Variants in TTC39B observed in about 807,000 individuals in gnomAD.
TTC39B encodes the protein tetratricopeptide repeat protein 39B.
Under a neutral mutation model 96.6 loss-of-function variants are expected in TTC39B, and 92 were observed. The ratio of observed to expected loss-of-function variants is 0.95; its 90% confidence interval spans 0.80 to 1.13. The LOEUF (loss-of-function observed/expected upper bound fraction) is 1.13. Ranked by LOEUF, TTC39B falls within the 50% of genes most tolerant of loss-of-function variation. TTC39B has a pLI of 0.00. For missense variants in TTC39B, 955 were observed against 809.3 expected, an observed-to-expected ratio of 1.18 and a Z score of -2.18; for synonymous variants, 367 against 299.4, an observed-to-expected ratio of 1.23 and a Z score of -2.33.
At chr9:15,218,575 A>T (rs985098572) in intron 3 of TTC39B, among the ~76,000 whole-genome samples, 1 of 144,098 alleles carries the variant, frequency 6.9e-6, no homozygotes, top group Non-Finnish European at 1.5e-5. Flanking sequence ...ACGACTCCTC[A>T]TGTTTCTAAT....
chr9:15,271,188 T>C (rs1029907087), intron 1 of TTC39B, among the ~76,000 whole-genome samples: 25 of 152,208 alleles, frequency 1.6e-4, no homozygotes, highest in Non-Finnish European at 1.5e-5. Context: ...CAATGTAATA[T>C]GGTAGCATTG....
intron 18 of TTC39B, among the ~76,000 whole-genome samples, chr9:15,176,928 C>T (rs1817971284): frequency 6.6e-6 from 1 of 152,192 alleles, no homozygotes; most frequent in African/African-American, 2.4e-5. Context: ...AGGACATCAT[C>T]ATCAATGCTA....
At chr9:15,250,010 A>C in intron 2 of TTC39B, 1 of 1,288,496 alleles carries the variant, frequency 7.8e-7, no homozygotes, top group Non-Finnish European at 1.0e-6. Flanking sequence ...TTTTAAGCCA[A>C]CTAAAAGAAG....
At chr9:15,200,924 G>C (rs1427306342) in intron 7 of TTC39B, among the ~76,000 whole-genome samples, 1 of 152,122 alleles carries the variant, frequency 6.6e-6, no homozygotes, top group African/African-American at 2.4e-5. Flanking sequence ...ACTTGAACCT[G>C]GGAGGTGGAG....
Position 15,208,233 on chromosome 9 carries a change from C to T in TTC39B, c.691+1855G>A, listed in dbSNP as rs1819989160. On this transcript the variant is annotated intron_variant, in intron 6 of 19. Coordinates refer to ENST00000512701, the Ensembl canonical transcript of TTC39B. ...AGAGACGGGGTTTCACCATGTTGGC[C>T]AGGCTCGTCTGTAACTCCTGACCTT... Among the ~76,000 whole-genome samples, 3 of 151,642 alleles carry T rather than the reference C, an allele frequency of 2.0e-5. No homozygotes were observed. In the South Asian group the frequency reaches 6.3e-4, roughly 32 times the overall value.
At chr9:15,178,486 G>A (rs1449785619) in intron 17 of TTC39B, among the ~76,000 whole-genome samples, 1 of 152,174 alleles carries the variant, frequency 6.6e-6, no homozygotes, top group Non-Finnish European at 1.5e-5. Flanking sequence ...GAGGCAGGAA[G>A]ATCATTTGAG....
intron 6 of TTC39B, among the ~76,000 whole-genome samples, chr9:15,206,124 T>C (rs1232587786): frequency 6.6e-6 from 1 of 152,196 alleles, no homozygotes. Context: ...CATGAGAGTT[T>C]GAACTTTGTA....
intron 17 of TTC39B, among the ~76,000 whole-genome samples, chr9:15,178,027 G>T (rs1197614760): frequency 2.0e-5 from 3 of 151,566 alleles, no homozygotes; most frequent in Non-Finnish European, 4.4e-5. Context: ...CCACCACCAC[G>T]CCCGGCTAAT....
intron 1 of TTC39B, among the ~76,000 whole-genome samples, chr9:15,268,488 A>C (rs1823219660): frequency 6.6e-6 from 1 of 152,114 alleles, no homozygotes; most frequent in African/African-American, 2.4e-5. Flanking sequence ...AAACGCACAC[A>C]GTCATATGCA....
intron 2 of TTC39B, among the ~76,000 whole-genome samples, chr9:15,235,838 C>G (rs1444886784): frequency 2.0e-5 from 3 of 152,134 alleles, no homozygotes; most frequent in African/African-American, 7.2e-5. Context: ...AATGAAAGGA[C>G]AATACTCACC....
intron 6 of TTC39B, among the ~76,000 whole-genome samples, chr9:15,207,983 C>CAAAAAAAAA (rs531829809): frequency 1.2e-5 from 1 of 84,582 alleles, no homozygotes; most frequent in African/African-American, 4.7e-5. Flanking sequence ...GACTTGGTCT[C>CAAAAAAAAA]AAAAAAAAAA....
At chr9:15,268,510 A>T (rs1371595085) in intron 1 of TTC39B, among the ~76,000 whole-genome samples, 1 of 152,118 alleles carries the variant, frequency 6.6e-6, no homozygotes, top group Non-Finnish European at 1.5e-5. Context: ...TCAGAAGACC[A>T]CACACACACT....
At chr9:15,298,896 C>T (rs1343890163) in intron 1 of TTC39B, among the ~76,000 whole-genome samples, 2 of 152,190 alleles carry the variant, frequency 1.3e-5, no homozygotes, top group Non-Finnish European at 2.9e-5. Flanking sequence ...TCCTGGAAGA[C>T]ACTTCAAGAG....
chr9:15,219,326 T>C lies in TTC39B; in HGVS notation c.372-5077A>G, dbSNP rs185217054. Among the ~76,000 whole-genome samples the C allele has an allele frequency of 1.9e-3, 290 of 152,326 alleles. 5 individuals carry two copies. The highest frequency in any genetic ancestry group is 0.016 in the Admixed American group (252 of 15,300). ...CTACAATTCTCCAGAAGTGTCAACC[T>C]GCCCCAACTCCCCTGCTAAGAACCA... On this transcript the variant is annotated intron_variant, in intron 3 of 19. Transcript: ENST00000512701.
intron 1 of TTC39B, among the ~76,000 whole-genome samples, chr9:15,284,402 T>C (rs571947974): frequency 6.6e-6 from 1 of 152,362 alleles, no homozygotes; most frequent in South Asian, 2.1e-4. Context: ...AAAATTTTCA[T>C]GTACCACGGT....
chr9:15,255,400 A>G (rs1357075060), intron 2 of TTC39B, among the ~76,000 whole-genome samples: 1 of 152,016 alleles, frequency 6.6e-6, no homozygotes, highest in African/African-American at 2.4e-5. Context: ...CAAAAGGGGG[A>G]AAGAGGGAAG....
intron 2 of TTC39B, among the ~76,000 whole-genome samples, chr9:15,233,547 G>A (rs12005945): frequency 0.022 from 3,371 of 150,764 alleles, 135 homozygotes; most frequent in African/African-American, 0.077. Flanking sequence ...TGGTGGAGAC[G>A]GGGTTTCGCT....
At chr9:15,198,487 T>C (rs945740628) in intron 8 of TTC39B, among the ~76,000 whole-genome samples, 4 of 142,570 alleles carry the variant, frequency 2.8e-5, no homozygotes, top group Admixed American at 2.1e-4. Flanking sequence ...TATATATATA[T>C]CATAAAGGGC....
chr9:15,305,426 A>G (rs930455489), intron 1 of TTC39B, among the ~76,000 whole-genome samples: 3 of 152,194 alleles, frequency 2.0e-5, no homozygotes, highest in African/African-American at 7.2e-5. Context: ...CAAAGAATTC[A>G]ATTTGTATTT....
Sources: allele counts gnomAD v4.1 joint callset (sites outside exome capture counted in the v4.1 genomes callset), GRCh38; gene constraint gnomAD v4.1.1; transcripts MANE v1.5; gene names NCBI Gene and HGNC (gene_info 2026-07-23, HGNC 2026-07-21).